The following CLMP variants were observed in gnomAD, a reference collection of about 807,000 sequenced individuals.
CLMP encodes the protein CXADR-like membrane protein.
Under a neutral mutation model 45.2 loss-of-function variants are expected in CLMP, and 27 were observed. The ratio of observed to expected loss-of-function variants is 0.60; its 90% confidence interval spans 0.44 to 0.82. The LOEUF is 0.82. Among genes scored for constraint, CLMP ranks in the 40% least tolerant of loss-of-function variants. The pLI is 0.00. For synonymous variants in CLMP, 167 were observed against 171.4 expected (o/e 0.97, Z 0.20); for missense variants, 403 against 448.4 (o/e 0.90, Z 0.91).
intron 1 of CLMP, among the ~76,000 whole-genome samples, chr11:123,107,591 C>G (rs1429859109): frequency 2.1e-5 from 3 of 146,200 alleles, no homozygotes; most frequent in Non-Finnish European, 4.5e-5. Context: ...AGGCTGGCCT[C>G]AGGCTCCTGA....
Position 123,184,783 on chromosome 11 carries a change from C to T in CLMP, c.28+10130G>A, listed in dbSNP as rs532026765. Among the ~76,000 whole-genome samples the T allele has an allele frequency of 4.7e-4, 71 of 152,342 alleles. No homozygotes were observed. In the South Asian group the frequency reaches 9.3e-3, roughly 20 times the overall value. Reference sequence around the variant, plus strand: ...TGAATCAGCCAACCTTCTCCTGGAACGGGATTTTACATGCATTCATACATT... The same window carrying T: ...TGAATCAGCCAACCTTCTCCTGGAATGGGATTTTACATGCATTCATACATT... On this transcript the variant is annotated intron_variant, in intron 1 of 6. Coordinates refer to ENST00000448775, the MANE Select transcript of CLMP (RefSeq NM_024769.5).
chr11:123,080,911 G>A (rs1445333655), intron 5 of CLMP, among the ~76,000 whole-genome samples: 6 of 152,164 alleles, frequency 3.9e-5, no homozygotes, highest in South Asian at 2.1e-4. Flanking sequence ...TTGGGAGGCC[G>A]AGGTGGGCGG....
intron 2 of CLMP, among the ~76,000 whole-genome samples, chr11:123,085,068 C>G (rs946135751): frequency 1.3e-5 from 2 of 152,000 alleles, no homozygotes; most frequent in Non-Finnish European, 2.9e-5. Flanking sequence ...TGCAAGTGTA[C>G]AGCTATGCAT....
At chr11:123,075,264 A>G (rs558608729) in intron 5 of CLMP, among the ~76,000 whole-genome samples, 1 of 150,242 alleles carries the variant, frequency 6.7e-6, no homozygotes, top group African/African-American at 2.4e-5. Flanking sequence ...CCAGGTCTTT[A>G]TATCTATCTT....
chr11:123,145,458 T>TG (rs1422200984), intron 1 of CLMP, among the ~76,000 whole-genome samples: 22 of 89,696 alleles, frequency 2.5e-4, no homozygotes, highest in African/African-American at 4.0e-4. Context: ...GGCTGTTTTT[T>TG]TTTTTTTTTT....
At chr11:123,086,575 CT>C in intron 2 of CLMP, among the ~76,000 whole-genome samples, 1 of 152,340 alleles carries the variant, frequency 6.6e-6, no homozygotes, top group East Asian at 1.9e-4. Flanking sequence ...CCTATGAACT[CT>C]GACCCAGAAA....
chr11:123,144,994 T>C (rs1205754663), intron 1 of CLMP, among the ~76,000 whole-genome samples: 1 of 152,184 alleles, frequency 6.6e-6, no homozygotes, highest in Non-Finnish European at 1.5e-5. Flanking sequence ...TAACTGGAAT[T>C]GAAATGCATA....
chr11:123,098,163 T>C (rs1448147592), intron 1 of CLMP, among the ~76,000 whole-genome samples: 1 of 152,166 alleles, frequency 6.6e-6, no homozygotes, highest in Non-Finnish European at 1.5e-5. Flanking sequence ...CCACCCCAAA[T>C]TACATCCTAC....
chr11:123,173,912 T>A (rs1565403728), intron 1 of CLMP, among the ~76,000 whole-genome samples: 2 of 151,998 alleles, frequency 1.3e-5, no homozygotes, highest in South Asian at 4.2e-4. Flanking sequence ...TGAAATCTCA[T>A]CTCTACAAGA....
rs1865656960 is a variant in CLMP, at chr11:123,070,222, C to A, written c.*3252G>T. 1 of 152,160 alleles carries A rather than the reference C, an allele frequency of 6.6e-6. No homozygotes were observed. Among genetic ancestry groups the A allele is most frequent in the Non-Finnish European group, 1.5e-5 (1 of 68,020 alleles). The allele number at this position is 152,160 out of a possible 1,614,324, so 9.4% of individuals were successfully genotyped here. On this transcript the variant is annotated 3_prime_UTR_variant, in exon 7 of 7. Coordinates refer to ENST00000448775, the MANE Select transcript of CLMP (RefSeq NM_024769.5). ...TTTCTTCTACTATTCGGTTATTTCT[C>A]CTTTTTTTGTTTCCTATTTCAGAAT... is the stretch of plus-strand genomic sequence containing the variant.
chr11:123,117,628 T>C (rs1043323729), intron 1 of CLMP, among the ~76,000 whole-genome samples: 4 of 151,702 alleles, frequency 2.6e-5, no homozygotes, highest in Admixed American at 2.0e-4. Context: ...GGTTTCACCA[T>C]GTTGGCCAGG....
intron 1 of CLMP, among the ~76,000 whole-genome samples, chr11:123,192,213 T>A (rs543689772): frequency 6.6e-6 from 1 of 152,314 alleles, no homozygotes; most frequent in South Asian, 2.1e-4. Context: ...GGAAGAGCTG[T>A]GAATGACATT....
intron 2 of CLMP, among the ~76,000 whole-genome samples, chr11:123,096,799 T>G (rs1158770097): frequency 2.6e-5 from 4 of 152,170 alleles, no homozygotes; most frequent in Non-Finnish European, 5.9e-5. Context: ...TTTTTCTTTC[T>G]TTTGCTTTTG....
At chr11:123,079,724 C>T (rs560822885) in intron 5 of CLMP, among the ~76,000 whole-genome samples, 56 of 152,276 alleles carry the variant, frequency 3.7e-4, no homozygotes, top group African/African-American at 1.3e-3. Context: ...GGATTACAGG[C>T]GTGAGCCACT....
intron 1 of CLMP, among the ~76,000 whole-genome samples, chr11:123,121,971 G>A (rs1860824972): frequency 6.6e-6 from 1 of 151,852 alleles, no homozygotes; most frequent in East Asian, 1.9e-4. Context: ...TTGAACTCCT[G>A]GACTCAAGCA....
intron 1 of CLMP, among the ~76,000 whole-genome samples, chr11:123,144,401 C>T (rs7937909): frequency 2.0e-5 from 3 of 151,998 alleles, no homozygotes; most frequent in East Asian, 1.9e-4. Flanking sequence ...GACCGACTTT[C>T]GCTCTTGTTG....
chr11:123,121,790 C>T (rs567436625), intron 1 of CLMP, among the ~76,000 whole-genome samples: 1 of 152,302 alleles, frequency 6.6e-6, no homozygotes, highest in East Asian at 1.9e-4. Flanking sequence ...ACCTCTCTTC[C>T]ACCTGCTTTC....
At chr11:123,168,257 T>C (rs1565402341) in intron 1 of CLMP, among the ~76,000 whole-genome samples, 1 of 149,098 alleles carries the variant, frequency 6.7e-6, no homozygotes, top group South Asian at 2.1e-4. Flanking sequence ...GAAGGCCATG[T>C]ATCTGGCCAG....
chr11:123,142,670 A>C, intron 1 of CLMP, among the ~76,000 whole-genome samples: 1 of 121,050 alleles, frequency 8.3e-6, no homozygotes, highest in African/African-American at 3.7e-5. Context: ...CCCAGGCCGG[A>C]CTGCGGACTG....
Sources: allele counts gnomAD v4.1 joint callset (sites outside exome capture counted in the v4.1 genomes callset), GRCh38; gene constraint gnomAD v4.1.1; transcripts MANE v1.5; gene names NCBI Gene and HGNC (gene_info 2026-07-23, HGNC 2026-07-21).